LRCH2: variants seen among roughly 807,000 people sequenced by gnomAD.
The protein encoded by LRCH2 is leucine-rich repeat and calponin homology domain-containing protein 2.
Under a neutral mutation model 68.9 loss-of-function variants are expected in LRCH2, and 38 were observed. That is an observed-to-expected ratio of 0.55 (90% confidence interval 0.43 to 0.72). The LOEUF is 0.72. LRCH2 is among the 30% of genes least tolerant of loss of function. LRCH2 has a pLI of 0.00. For synonymous variants in LRCH2, 191 were observed against 208.1 expected, an observed-to-expected ratio of 0.92 and a Z score of 0.71; for missense variants, 528 against 572.9, an observed-to-expected ratio of 0.92 and a Z score of 0.80.
rs1442726202 is a variant in LRCH2, at chrX:115,189,381, G to GC, written c.350-1012dup. On this transcript the variant is annotated intron_variant, in intron 1 of 20. Transcript: ENST00000317135. ...CCCTCCACGAGAGCGCTCGAAGGCCGCGACTGAACTGCCGCGTCATCACTT... is the reference window on the plus strand; with the variant it reads ...CCCTCCACGAGAGCGCTCGAAGGCCGCCGACTGAACTGCCGCGTCATCACTT... The GC allele has an allele frequency of 9.9e-6, 11 of 1,111,593 alleles. No homozygotes were observed. The African/African-American group carries it at 1.8e-4, about 19-fold the overall frequency. 91.6% of individuals were successfully genotyped at this position (1,111,593 alleles called of 1,213,427 possible).
intron 3 of LRCH2, among the ~76,000 whole-genome samples, chrX:115,183,527 T>C (rs955991312): frequency 4.5e-5 from 5 of 110,366 alleles, no homozygotes; most frequent in African/African-American, 1.7e-4. Flanking sequence ...AAACCCCATC[T>C]CTACGAAAAA....
chrX:115,128,367 C>T (rs1556528778), intron 15 of LRCH2, among the ~76,000 whole-genome samples: 1 of 111,544 alleles, frequency 9.0e-6, no homozygotes, highest in Non-Finnish European at 1.9e-5. Context: ...AGTACCAGAC[C>T]CTTTATAATA....
At chrX:115,223,454 T>TAA (rs35094815) in intron 1 of LRCH2, among the ~76,000 whole-genome samples, 42 of 107,000 alleles carry the variant, frequency 3.9e-4, no homozygotes, top group African/African-American at 1.1e-3. Flanking sequence ...ATTTTTTTTT[T>TAA]AAAAAAACCT....
At chrX:115,115,785 A>C (rs2072076442) in intron 20 of LRCH2, among the ~76,000 whole-genome samples, 1 of 110,413 alleles carries the variant, frequency 9.1e-6, no homozygotes, top group African/African-American at 3.3e-5. Flanking sequence ...ATGGGAGAAA[A>C]TATTTGCAAA....
chrX:115,126,185 T>G (rs1342289866), intron 16 of LRCH2: 1 of 111,804 alleles, frequency 8.9e-6, no homozygotes, highest in Non-Finnish European at 1.9e-5. Context: ...GTTTAGAATT[T>G]TTTAAATTTA....
chrX:115,114,605 A>C (rs2072067640), intron 20 of LRCH2, among the ~76,000 whole-genome samples: 1 of 111,251 alleles, frequency 9.0e-6, no homozygotes, highest in Non-Finnish European at 1.9e-5. Flanking sequence ...AAGCTAGGCT[A>C]ATCAGGAAGG....
At chrX:115,192,715 T>G in intron 1 of LRCH2, 55 of 965,594 alleles carry the variant, frequency 5.7e-5, no homozygotes, top group Non-Finnish European at 7.2e-5. Context: ...CTATGTTAAC[T>G]ACCCAAGGAC....
intron 14 of LRCH2, among the ~76,000 whole-genome samples, chrX:115,132,762 G>C (rs1269199572): frequency 1.8e-5 from 2 of 111,591 alleles, no homozygotes; most frequent in Non-Finnish European, 3.8e-5. Context: ...CTATTTATCA[G>C]GCAAGACAAT....
chrX:115,196,766 C>A (rs890360164), intron 1 of LRCH2, among the ~76,000 whole-genome samples: 3 of 111,306 alleles, frequency 2.7e-5, no homozygotes, highest in Middle Eastern at 4.6e-3. Context: ...CCACACTACT[C>A]CAACTGCTCA....
chrX:115,201,770 A>G (rs2072931770), intron 1 of LRCH2, among the ~76,000 whole-genome samples: 1 of 111,944 alleles, frequency 8.9e-6, no homozygotes, highest in African/African-American at 3.2e-5. Flanking sequence ...AAAAACCTAA[A>G]GACTCCACCA....
chrX:115,142,825 T>G (rs1282762886), intron 14 of LRCH2, among the ~76,000 whole-genome samples: 1 of 111,069 alleles, frequency 9.0e-6, no homozygotes, highest in Non-Finnish European at 1.9e-5. Flanking sequence ...ACAGCCCAGG[T>G]GTCATGGCTC....
intron 1 of LRCH2, among the ~76,000 whole-genome samples, chrX:115,225,364 G>A (rs2073111831): frequency 9.0e-6 from 1 of 110,594 alleles, no homozygotes; most frequent in Non-Finnish European, 1.9e-5. Context: ...TGGGGGTATT[G>A]TTTTCTGAGC....
At chrX:115,126,542 G>A (rs1222221232) in intron 16 of LRCH2, 5 of 163,754 alleles carry the variant, frequency 3.1e-5, no homozygotes, top group South Asian at 2.9e-4. Flanking sequence ...TTGATAAAGT[G>A]AATTCTTTTC....
chrX:115,123,844 A>G, intron 17 of LRCH2, 101 bp downstream of exon 17: 1 of 462,748 alleles, frequency 2.2e-6, no homozygotes, highest in Non-Finnish European at 3.4e-6. Flanking sequence ...GAGAGGGGAA[A>G]GAATCTATGT....
At chrX:115,198,513 C>A in intron 1 of LRCH2, 2 of 119,948 alleles carry the variant, frequency 1.7e-5, no homozygotes, top group South Asian at 5.8e-4. Flanking sequence ...CAGACACAGT[C>A]GTAGCCTTGG....
At chrX:115,156,218 G>A (rs1356788859) in intron 12 of LRCH2, among the ~76,000 whole-genome samples, 1 of 111,660 alleles carries the variant, frequency 9.0e-6, no homozygotes. Flanking sequence ...TTTATATCAT[G>A]TATTCACATA....
chrX:115,143,451 C>T (rs2072356205), intron 14 of LRCH2, among the ~76,000 whole-genome samples: 1 of 111,324 alleles, frequency 9.0e-6, no homozygotes, highest in African/African-American at 3.3e-5. Context: ...AAAATGTGAA[C>T]AGGCCAATAA....
chrX:115,234,047 TG>T lies in LRCH2; in HGVS notation c.-7del, dbSNP rs782792412. On this transcript the variant is annotated 5_prime_UTR_variant, in exon 1 of 21. Coordinates refer to ENST00000317135, the MANE Select transcript of LRCH2 (RefSeq NM_020871.4). Reference sequence around the variant, plus strand: ...CCTCCCTGACTCGCCGCCATGTTCCTGGGAGAGAGAATAGCCCCCGACAATA... The same window carrying T: ...CCTCCCTGACTCGCCGCCATGTTCCTGGAGAGAGAATAGCCCCCGACAATA... 1,713 of 1,160,456 alleles carry T rather than the reference TG, an allele frequency of 1.5e-3. No homozygotes were observed. Among genetic ancestry groups the T allele is most frequent in the Non-Finnish European group, 1.9e-3 (1,619 of 870,722 alleles).
Position 115,191,403 on chromosome X carries a change from C to T in LRCH2, c.350-3033G>A, listed in dbSNP as rs373728766. 522 of 1,152,703 alleles carry T rather than the reference C, an allele frequency of 4.5e-4. No homozygotes were observed. The African/African-American group carries it at 8.2e-3, about 18-fold the overall frequency. The allele number at this position is 1,152,703 out of a possible 1,213,427, so 95.0% of individuals were successfully genotyped here. A position where few individuals can be genotyped will look rare whatever the true frequency, so the allele number is the denominator to read the frequency against. ...CGCCTGATGCCTACAGTGGGGGCCA[C>T]GACAGTTCTGGCCAGAGCAACTGCT... is the stretch of plus-strand genomic sequence containing the variant. On this transcript the variant is annotated intron_variant, in intron 1 of 20. Coordinates refer to ENST00000317135, the MANE Select transcript of LRCH2 (RefSeq NM_020871.4).
Sources: allele counts gnomAD v4.1 joint callset (sites outside exome capture counted in the v4.1 genomes callset), GRCh38; gene constraint gnomAD v4.1.1; transcripts MANE v1.5; gene names NCBI Gene and HGNC (gene_info 2026-07-23, HGNC 2026-07-21).